ENPP6: variants seen among roughly 807,000 people sequenced by gnomAD.
ENPP6 encodes ectonucleotide pyrophosphatase/phosphodiesterase 6.
ENPP6 carries 32 observed loss-of-function variants against 42.0 expected under a neutral mutation model. That is an observed-to-expected ratio of 0.76 (90% CI 0.58 to 1.02). The LOEUF (loss-of-function observed/expected upper bound fraction) is 1.02, where lower values mean the gene tolerates loss of function less well. Ranked by LOEUF, ENPP6 falls within the 50% of genes least tolerant of loss-of-function variation. The pLI, the probability that ENPP6 is intolerant of heterozygous loss-of-function variation, is 0.00. For synonymous variants in ENPP6, 213 were observed against 216.0 expected (o/e 0.99, Z 0.12); for missense variants, 552 against 566.8 (o/e 0.97, Z 0.27).
At chr4:184,095,953 C>T (rs1032567913) in intron 7 of ENPP6, among the ~76,000 whole-genome samples, 4 of 152,112 alleles carry the variant, frequency 2.6e-5, no homozygotes, top group Non-Finnish European at 4.4e-5. Flanking sequence ...ACAGGGAGCA[C>T]CTGATAACTA....
At chr4:184,155,264 C>A (rs928232636) in intron 1 of ENPP6, among the ~76,000 whole-genome samples, 1 of 152,204 alleles carries the variant, frequency 6.6e-6, no homozygotes, top group African/African-American at 2.4e-5. Flanking sequence ...GCCCCTCTTA[C>A]AAGTAAAAGT....
intron 2 of ENPP6, among the ~76,000 whole-genome samples, chr4:184,145,371 C>T (rs2111371908): frequency 6.6e-6 from 1 of 151,898 alleles, no homozygotes; most frequent in Admixed American, 6.6e-5. Flanking sequence ...TTATTTTTTC[C>T]TTCAACATGA....
At chr4:184,139,236 A>G (rs1274740316) in intron 2 of ENPP6, among the ~76,000 whole-genome samples, 4 of 152,276 alleles carry the variant, frequency 2.6e-5, no homozygotes. Context: ...ACGGCCAGCA[A>G]TAAATGACAA....
chr4:184,143,970 C>T (rs748972725), intron 2 of ENPP6, among the ~76,000 whole-genome samples: 2 of 152,222 alleles, frequency 1.3e-5, no homozygotes, highest in Non-Finnish European at 2.9e-5. Context: ...TCTGTCCCAC[C>T]ACAGCGAAGT....
chr4:184,126,255 G>A (rs1337564981), intron 2 of ENPP6, among the ~76,000 whole-genome samples: 1 of 152,144 alleles, frequency 6.6e-6, no homozygotes, highest in Non-Finnish European at 1.5e-5. Context: ...AAATGAATCT[G>A]GACTTAACAC....
rs144781778 is a variant in ENPP6 at position 184,094,796 on chromosome 4, C to T, written c.1117+2449G>A. On this transcript the variant is annotated intron_variant, in intron 7 of 7. Transcript: ENST00000296741. ...CCCACTCCTGCTGTCTTATCTCAAA[C>T]GTGGAGTTCTCCAGGGCAAGATTAG... Among the ~76,000 whole-genome samples, 351 of 152,354 alleles carry T rather than the reference C, an allele frequency of 2.3e-3. 2 individuals are homozygous for T. The highest frequency in any genetic ancestry group is 7.5e-3 in the African/African-American group (313 of 41,586).
chr4:184,200,680 G>A (rs769192282), intron 1 of ENPP6, among the ~76,000 whole-genome samples: 10 of 152,206 alleles, frequency 6.6e-5, no homozygotes, highest in Non-Finnish European at 1.3e-4. Context: ...CCCTTTCCCT[G>A]CCCTGTGGCC....
chr4:184,117,674 A>G, intron 4 of ENPP6, 85 bp downstream of exon 4: 1 of 1,568,892 alleles, frequency 6.4e-7, no homozygotes. Flanking sequence ...AGTAAGAGGG[A>G]AGATGTTGAC....
intron 1 of ENPP6, among the ~76,000 whole-genome samples, chr4:184,155,700 C>G (rs1244031653): frequency 1.3e-5 from 2 of 152,114 alleles, no homozygotes; most frequent in Non-Finnish European, 2.9e-5. Flanking sequence ...CCATGAAACC[C>G]AGAGATAAAT....
chr4:184,113,238 G>A (rs921595644), intron 5 of ENPP6, among the ~76,000 whole-genome samples: 1 of 152,202 alleles, frequency 6.6e-6, no homozygotes. Context: ...GACTCTCAGG[G>A]ATCTCAGCTT....
At chr4:184,149,963 C>T (rs867544090) in intron 2 of ENPP6, among the ~76,000 whole-genome samples, 15 of 152,038 alleles carry the variant, frequency 9.9e-5, no homozygotes, top group Non-Finnish European at 2.9e-5. Flanking sequence ...CCTCACCGCC[C>T]CCAACCCCTG....
intron 6 of ENPP6, among the ~76,000 whole-genome samples, chr4:184,106,620 C>T (rs1420150741): frequency 1.3e-5 from 2 of 152,206 alleles, no homozygotes; most frequent in African/African-American, 2.4e-5. Context: ...AGGGCCCCCC[C>T]AGCCCCTCAT....
At chr4:184,120,398 G>A (rs889886752) in intron 3 of ENPP6, among the ~76,000 whole-genome samples, 94 of 152,276 alleles carry the variant, frequency 6.2e-4, no homozygotes, top group African/African-American at 2.2e-3. Flanking sequence ...TCTATACACA[G>A]CCTATGGCTG....
chr4:184,196,722 T>A (rs1202625714), intron 1 of ENPP6, among the ~76,000 whole-genome samples: 3 of 152,120 alleles, frequency 2.0e-5, no homozygotes, highest in Non-Finnish European at 2.9e-5. Context: ...GAATAGATGG[T>A]ATCAACAAAG....
At chr4:184,142,736 G>A (rs188622511) in intron 2 of ENPP6, among the ~76,000 whole-genome samples, 70 of 152,358 alleles carry the variant, frequency 4.6e-4, no homozygotes, top group African/African-American at 1.1e-3. Context: ...GAGAGGGAAC[G>A]TGTGCCATAC....
chr4:184,097,995 G>C (rs976041598), intron 6 of ENPP6, among the ~76,000 whole-genome samples: 5 of 152,236 alleles, frequency 3.3e-5, no homozygotes, highest in Non-Finnish European at 5.9e-5. Flanking sequence ...CCCACGGGGC[G>C]TGCGGTTCCG....
At chr4:184,121,153 C>A (rs1161700200) in intron 3 of ENPP6, among the ~76,000 whole-genome samples, 1 of 152,236 alleles carries the variant, frequency 6.6e-6, no homozygotes, top group Non-Finnish European at 1.5e-5. Context: ...CAATACTAGC[C>A]AATGGCTGTT....
At chr4:184,201,338 G>A (rs1732900918) in intron 1 of ENPP6, among the ~76,000 whole-genome samples, 1 of 151,968 alleles carries the variant, frequency 6.6e-6, no homozygotes, top group South Asian at 2.1e-4. Context: ...TGGAGCTGCA[G>A]GGGTCAAGCC....
Position 184,112,796 on chromosome 4 carries a change from A to C in ENPP6, c.869T>G (p.Leu290Arg). 6.2e-7 allele frequency: 1 copy of C among 1,613,342 alleles called. No homozygotes were observed. Among genetic ancestry groups the C allele is most frequent in the Non-Finnish European group, 8.5e-7 (1 of 1,179,856 alleles). ...PGKHSEIYNK[L>R]STVEHMTVYE... is the part of the protein sequence containing the mutation. Reference sequence around the variant, plus strand: ...GACAGTCATGTGTTCCACTGTGCTCAGTTTGTTATATATCTGCAAAGAAAA... The same window carrying C: ...GACAGTCATGTGTTCCACTGTGCTCCGTTTGTTATATATCTGCAAAGAAAA... Residue 290 changes from leucine (L) to arginine (R), a missense_variant, in exon 6 of 8, where the codon CTG becomes CGG. Coordinates refer to ENST00000296741, the MANE Select transcript of ENPP6 (RefSeq NM_153343.4).
Sources: allele counts gnomAD v4.1 joint callset (sites outside exome capture counted in the v4.1 genomes callset), GRCh38; gene constraint gnomAD v4.1.1; transcripts MANE v1.5; gene names NCBI Gene and HGNC (gene_info 2026-07-23, HGNC 2026-07-21).